Variants in KIF21A observed in about 807,000 individuals in gnomAD.
KIF21A encodes the protein kinesin-like protein KIF21A.
Under a neutral mutation model 202.9 loss-of-function variants are expected in KIF21A, and 114 were observed. The observed-to-expected ratio is 0.56, with a 90% CI of 0.48 to 0.66. The LOEUF is 0.66. KIF21A is among the 30% of genes least tolerant of loss of function. The pLI is 0.00. For synonymous variants in KIF21A, 667 were observed against 670.8 expected, an observed-to-expected ratio of 0.99 and a Z score of 0.09; for missense variants, 1,677 against 1,994.9, an observed-to-expected ratio of 0.84 and a Z score of 3.04.
chr12:39,410,621 G>A (rs1371166644), intron 1 of KIF21A, among the ~76,000 whole-genome samples: 1 of 152,054 alleles, frequency 6.6e-6, no homozygotes, highest in Non-Finnish European at 1.5e-5. Flanking sequence ...AACCACTGTA[G>A]AACACACATT....
Position 39,337,211 on chromosome 12 carries a change from A to ATTGG in KIF21A, c.2311-9_2311-8insCCAA. Reference sequence around the variant, plus strand: ...TTGTTTCATTAGGCGAACCTAACCAATTAGGTATAGACATCTATTGAAATT... The same window carrying ATTGG: ...TTGTTTCATTAGGCGAACCTAACCAATTGGTTAGGTATAGACATCTATTGAAATT... On this transcript the variant is annotated splice_polypyrimidine_tract_variant and intron_variant, in intron 16 of 37. Transcript: ENST00000361418. The ATTGG allele has an allele frequency of 4.6e-6, 7 of 1,521,196 alleles. No homozygotes were observed. Among genetic ancestry groups the ATTGG allele is most frequent in the Non-Finnish European group, 6.4e-6 (7 of 1,097,024 alleles). The allele number at this position is 1,521,196 out of a possible 1,614,324, so 94.2% of individuals were successfully genotyped here. A position where few individuals can be genotyped will look rare whatever the true frequency, so the allele number is the denominator to read the frequency against.
In KIF21A at chr12:39,340,306, C is replaced by A; in HGVS notation, c.2169G>T (p.Lys723Asn). ...KAKKVRSEYE[K>N]KLQAMNKELQ... ...GTTCTTTGTTCATGGCTTGGAGTTTCTTTTCATATTCAGACCTAACTTTTT... is the reference window on the plus strand; with the variant it reads ...GTTCTTTGTTCATGGCTTGGAGTTTATTTTCATATTCAGACCTAACTTTTT... The change falls in exon 16 of 38, where the codon AAG becomes AAT. Residue 723 changes from lysine to asparagine, a missense_variant. By Grantham distance (94) the Lys-to-Asn change is moderately conservative (BLOSUM62 0). This residue lies in a region of KIF21A where 966 missense variants were observed against 1,180.9 expected (regional missense o/e 0.82). Coordinates refer to ENST00000361418, the MANE Select transcript of KIF21A (RefSeq NM_001173464.2). 6.2e-7 allele frequency: 1 copy of A among 1,612,404 alleles called. No individual in the cohort carries two copies. Among genetic ancestry groups the A allele is most frequent in the Non-Finnish European group, 8.5e-7 (1 of 1,179,334 alleles).
chr12:39,316,116 G>A (rs1944511964), intron 29 of KIF21A, 146 bp from the exon 30 acceptor site: 2 of 707,692 alleles, frequency 2.8e-6, no homozygotes, highest in Middle Eastern at 2.5e-4. Context: ...TACTTGCACT[G>A]GATATTAGCA....
chr12:39,363,631 G>A (rs1949399824), intron 6 of KIF21A, among the ~76,000 whole-genome samples: 1 of 152,070 alleles, frequency 6.6e-6, no homozygotes, highest in Non-Finnish European at 1.5e-5. Flanking sequence ...CAGTTCCCAC[G>A]GGAAAAGAAA....
rs1303883497 is a variant in KIF21A, at chr12:39,330,950, C to G, written c.3154-39G>C. 8 of 1,595,638 alleles carry G rather than the reference C, an allele frequency of 5.0e-6. No homozygotes were observed. The East Asian group carries it at 1.8e-4, about 36-fold the overall frequency. On this transcript the variant is annotated intron_variant, in intron 22 of 37. Transcript: ENST00000361418. ...AAAAATTATCTTAGGTCATACGAAACAGGATCTACCACACAAAGATCTGTA... is the reference window on the plus strand; with the variant it reads ...AAAAATTATCTTAGGTCATACGAAAGAGGATCTACCACACAAAGATCTGTA...
intron 1 of KIF21A, among the ~76,000 whole-genome samples, chr12:39,416,700 T>TAC (rs1321174161): frequency 1.9e-5 from 2 of 103,280 alleles, no homozygotes; most frequent in Non-Finnish European, 3.6e-5. Context: ...TATATATATG[T>TAC]ACATATATAT....
intron 14 of KIF21A, 21 bp from the exon 15 acceptor site, chr12:39,341,115 T>A: frequency 6.4e-7 from 1 of 1,559,398 alleles, no homozygotes; most frequent in South Asian, 1.1e-5. Flanking sequence ...AAGAAGAAAA[T>A]AAAAATCCTG....
intron 1 of KIF21A, among the ~76,000 whole-genome samples, chr12:39,427,617 A>C (rs1954869090): frequency 6.6e-6 from 1 of 152,246 alleles, no homozygotes; most frequent in Admixed American, 6.5e-5. Context: ...GATAGTCCAA[A>C]AGAAAAGAAA....
chr12:39,319,837 T>C, intron 28 of KIF21A, 69 bp downstream of exon 28: 1 of 929,332 alleles, frequency 1.1e-6, no homozygotes, highest in East Asian at 2.6e-5. Flanking sequence ...AATTTCATGA[T>C]TATCTTTAGC....
intron 1 of KIF21A, among the ~76,000 whole-genome samples, chr12:39,399,251 T>C (rs1472599941): frequency 6.6e-6 from 1 of 152,196 alleles, no homozygotes; most frequent in Non-Finnish European, 1.5e-5. Flanking sequence ...GTATTATAAG[T>C]AACCTAGAGA....
Position 39,311,402 on chromosome 12 carries a change from G to C in KIF21A, c.4096+15C>G, listed in dbSNP as rs55682319. ...AAAAAGCTATTAAATATCTGCATTA[G>C]ATAACTACTAGCACCTTTTGATCCA... is the stretch of plus-strand genomic sequence containing the variant. On this transcript the variant is annotated intron_variant, in intron 32 of 37. Coordinates refer to ENST00000361418, the MANE Select transcript of KIF21A (RefSeq NM_001173464.2). 1 of 1,610,690 alleles carries C rather than the reference G, an allele frequency of 6.2e-7. No individual in the cohort carries two copies. Among genetic ancestry groups the C allele is most frequent in the Non-Finnish European group, 8.5e-7 (1 of 1,177,474 alleles).
chr12:39,332,315 T>C lies in KIF21A; in HGVS notation c.2950A>G (p.Asn984Asp), dbSNP rs752627686. Residue 984 changes from asparagine (N) to aspartate (D), a missense_variant, in exon 21 of 38, where the codon AAT becomes GAT. By Grantham distance (23) the Asn-to-Asp change is conservative. Around this residue, in one of 3 missense-constraint regions of KIF21A, gnomAD observed 966 missense variants for 1,180.9 expected, o/e 0.82. Transcript: ENST00000361418. ...AGTGACTCCATCTCTTCATTGATATTAGCCACATTTTTATCTCCCTCTCCA... is the reference window on the plus strand; with the variant it reads ...AGTGACTCCATCTCTTCATTGATATCAGCCACATTTTTATCTCCCTCTCCA... ...ENGEGDKNVA[N>D]INEEMESLTA... 6.2e-7 allele frequency: 1 copy of C among 1,613,270 alleles called. No individual in the cohort carries two copies.
At chr12:39,330,997 T>C in intron 22 of KIF21A, 86 bp from the exon 23 acceptor site, 1 of 1,404,910 alleles carries the variant, frequency 7.1e-7, no homozygotes, top group East Asian at 2.3e-5. Context: ...ATGAATATGA[T>C]ATATGGGTTT....
In KIF21A at chr12:39,357,419, C is replaced by T. The variant is rs750947190; in HGVS notation, c.1234G>A (p.Glu412Lys). Residue 412 changes from glutamate to lysine, a missense_variant, in exon 9 of 38, where the codon GAA becomes AAA. Coordinates refer to ENST00000361418, the MANE Select transcript of KIF21A (RefSeq NM_001173464.2). Reference protein sequence around the residue: ...EYKTGKRIIDEEGVESINDMF... With the variant: ...EYKTGKRIIDKEGVESINDMF... Reference sequence around the variant, plus strand: ...TCATTGATGCTTTCCACACCCTCTTCGTCAATTATTCTTTTACCCTAGTAA... The same window carrying T: ...TCATTGATGCTTTCCACACCCTCTTTGTCAATTATTCTTTTACCCTAGTAA... The T allele has an allele frequency of 1.4e-5, 22 of 1,613,728 alleles. No individual in the cohort carries two copies. The highest frequency in any genetic ancestry group is 1.5e-5 in the Non-Finnish European group (18 of 1,179,818).
intron 17 of KIF21A, among the ~76,000 whole-genome samples, chr12:39,333,882 T>C (rs1397571712): frequency 2.0e-5 from 3 of 151,712 alleles, no homozygotes; most frequent in Non-Finnish European, 4.4e-5. Flanking sequence ...TACAGGCATA[T>C]AATTTAAAAA....
intron 1 of KIF21A, among the ~76,000 whole-genome samples, chr12:39,427,439 G>A (rs372815711): frequency 2.6e-5 from 4 of 152,184 alleles, no homozygotes; most frequent in Middle Eastern, 3.4e-3. Context: ...GAGGGGTAAC[G>A]TTATTTTTCA....
intron 37 of KIF21A, among the ~76,000 whole-genome samples, chr12:39,297,423 T>G (rs1040940646): frequency 6.6e-6 from 1 of 152,106 alleles, no homozygotes; most frequent in Non-Finnish European, 1.5e-5. Context: ...AATGATGACT[T>G]CATGTCCTTT....
At chr12:39,353,949 G>T (rs991275158) in intron 10 of KIF21A, among the ~76,000 whole-genome samples, 1 of 152,040 alleles carries the variant, frequency 6.6e-6, no homozygotes, top group Non-Finnish European at 1.5e-5. Flanking sequence ...TGAGGTATGA[G>T]GGCAAGTGTA....
At chr12:39,337,398 A>C in intron 16 of KIF21A, 195 bp from the exon 17 acceptor site, 1 of 565,104 alleles carries the variant, frequency 1.8e-6, no homozygotes, top group Non-Finnish European at 3.1e-6. Flanking sequence ...ATTTTTATTA[A>C]ATTGCTTAGT....
Sources: gnomAD v4.1 joint callset for allele counts (sites outside exome capture counted in the v4.1 genomes callset) on GRCh38, gnomAD v4.1.1 for gene constraint, gnomAD v4.1.1 regional missense constraint, MANE v1.5 for transcripts, NCBI Gene and HGNC (gene_info 2026-07-23, HGNC 2026-07-21) for gene names.